NTM: variants seen among roughly 807,000 people sequenced by gnomAD.
NTM encodes the protein neurotrimin.
NTM carries 13 observed loss-of-function variants against 42.1 expected under a neutral mutation model. The observed-to-expected ratio is 0.31, with a 90% CI of 0.20 to 0.49. The LOEUF is 0.49. Ranked by LOEUF, NTM falls within the 20% of genes least tolerant of loss-of-function variation. The probability of loss-of-function intolerance (pLI) is 0.99; values close to 1 mark genes in which losing one functional copy is unlikely to be tolerated. For synonymous variants in NTM, 187 were observed against 179.2 expected, an observed-to-expected ratio of 1.04 and a Z score of -0.35; for missense variants, 373 against 452.8, an observed-to-expected ratio of 0.82 and a Z score of 1.60.
chr11:131,610,968 T>C (rs899175221), intron 1 of NTM, among the ~76,000 whole-genome samples: 3 of 152,040 alleles, frequency 2.0e-5, no homozygotes, highest in Non-Finnish European at 4.4e-5. Flanking sequence ...ATCGATTGGA[T>C]TGGAGGCATT....
intron 1 of NTM, among the ~76,000 whole-genome samples, chr11:131,860,904 C>T (rs1450611054): frequency 6.6e-6 from 1 of 152,228 alleles, no homozygotes; most frequent in Non-Finnish European, 1.5e-5. Context: ...CATGATAATG[C>T]CAAAGACACT....
At chr11:131,663,599 A>C (rs1344768110) in intron 1 of NTM, 1 of 152,230 alleles carries the variant, frequency 6.6e-6, no homozygotes, top group African/African-American at 2.4e-5. Flanking sequence ...GACTGTGTGC[A>C]CCGCTTCTAG....
At chr11:132,099,755 C>T (rs10894498) in intron 2 of NTM, among the ~76,000 whole-genome samples, 85,705 of 152,000 alleles carry the variant, frequency 0.56, 24,521 homozygotes, top group African/African-American at 0.6. Context: ...TGAGTACCTA[C>T]ATAATACAAA....
chr11:131,494,763 G>T (rs1350850905), intron 1 of NTM, among the ~76,000 whole-genome samples: 1 of 152,182 alleles, frequency 6.6e-6, no homozygotes, highest in East Asian at 1.9e-4. Context: ...AGTCTATGTA[G>T]CTCTGCCCTG....
intron 1 of NTM, among the ~76,000 whole-genome samples, chr11:131,630,563 TCACTTTGCA>T (rs1472466243): frequency 6.6e-6 from 1 of 152,180 alleles, no homozygotes; most frequent in East Asian, 2.0e-4. Flanking sequence ...CTGCATTCAT[TCACTTTGCA>T]TAGTCTGTAC....
In NTM at chr11:132,073,800, A is replaced by G. The variant is rs1409463542; in HGVS notation, c.168-72482A>G. 2.0e-5 allele frequency among the ~76,000 whole-genome samples: 3 copies of G among 152,078 alleles called. No homozygotes were observed. The South Asian group carries it at 6.2e-4, about 32-fold the overall frequency. On this transcript the variant is annotated intron_variant, in intron 2 of 8. Coordinates refer to ENST00000683400, the MANE Select transcript of NTM (RefSeq NM_001352005.2). ...GAAATAGCTTTTTTTAATGTCTGCA[A>G]TTTCTCAATTCAGTTCTTTGACTCT...
intron 2 of NTM, among the ~76,000 whole-genome samples, chr11:131,941,711 C>T (rs565996898): frequency 1.3e-5 from 2 of 152,324 alleles, no homozygotes; most frequent in Non-Finnish European, 2.9e-5. Context: ...CCTAACACAG[C>T]TCAGTAAAAA....
chr11:131,995,536 G>T (rs1017434870), intron 2 of NTM, among the ~76,000 whole-genome samples: 1 of 152,158 alleles, frequency 6.6e-6, no homozygotes, highest in African/African-American at 2.4e-5. Context: ...AAAGTTGTAG[G>T]GGAGCAGGGC....
In NTM at chr11:132,284,933, G is replaced by A. The variant is rs535452060; in HGVS notation, c.527-22756G>A. On this transcript the variant is annotated intron_variant, in intron 4 of 8. Coordinates refer to ENST00000683400, the MANE Select transcript of NTM (RefSeq NM_001352005.2). The stretch of plus-strand genomic sequence containing the variant: ...GGTGTGTTTGCCACAGCAACAGGAT[G>A]AGGAAAGCACAGCTCCAAGAGAGGT... 166 of 152,538 alleles carry A rather than the reference G, an allele frequency of 1.1e-3. 1 individual carries two copies. The highest frequency in any genetic ancestry group is 3.7e-3 in the African/African-American group (154 of 41,582). The allele number at this position is 152,538 out of a possible 1,614,324, so 9.4% of individuals were successfully genotyped here. A position where few individuals can be genotyped will look rare whatever the true frequency, so the allele number is the denominator to read the frequency against.
rs58237274 is a variant in NTM, at chr11:131,589,167, A to ATGTGTGTGTG, written c.82+218305_82+218314dup. 3.1e-3 allele frequency among the ~76,000 whole-genome samples: 452 copies of ATGTGTGTGTG among 143,598 alleles called. 5 individuals carry two copies. Among genetic ancestry groups the ATGTGTGTGTG allele is most frequent in the African/African-American group, 0.011 (409 of 38,280 alleles). The allele number at this position is 143,598 out of a possible 152,430, so 94.2% of individuals were successfully genotyped here. Reference sequence around the variant, plus strand: ...ACCATGCCACTCTTAACCTGGAAAAATGTGTGTGTGTGTGTGTGTGTGTGT... The same window carrying ATGTGTGTGTG: ...ACCATGCCACTCTTAACCTGGAAAAATGTGTGTGTGTGTGTGTGTGTGTGTGTGTGTGTGT... On this transcript the variant is annotated intron_variant, in intron 1 of 8. Coordinates refer to ENST00000683400, the MANE Select transcript of NTM (RefSeq NM_001352005.2).
At chr11:132,300,959 G>A (rs965774217) in intron 4 of NTM, among the ~76,000 whole-genome samples, 1 of 152,112 alleles carries the variant, frequency 6.6e-6, no homozygotes, top group Non-Finnish European at 1.5e-5. Context: ...CCTCAAGGGG[G>A]ACCTGGTGTG....
rs185302511 is a variant in NTM at position 131,911,350 on chromosome 11, C to T, written c.83-214C>T. On this transcript the variant is annotated intron_variant, in intron 1 of 8. Transcript: ENST00000683400. ...GGAGTCTGCGCGCTTTTCTCCTCCCCGCGCCTCCCGGTCGCCGCGGGTTCA... is the reference window on the plus strand; with the variant it reads ...GGAGTCTGCGCGCTTTTCTCCTCCCTGCGCCTCCCGGTCGCCGCGGGTTCA... The T allele has an allele frequency of 8.7e-4, 1,321 of 1,517,246 alleles. 10 individuals carry two copies. In the African/African-American group the frequency reaches 0.015, roughly 17 times the overall value. The allele number at this position is 1,517,246 out of a possible 1,614,324, so 94.0% of individuals were successfully genotyped here.
intron 1 of NTM, among the ~76,000 whole-genome samples, chr11:131,640,658 C>CT (rs1214002969): frequency 1.3e-5 from 2 of 152,168 alleles, no homozygotes; most frequent in Admixed American, 6.5e-5. Context: ...GCTGTGCCTG[C>CT]TAAGCCAGTC....
intron 1 of NTM, among the ~76,000 whole-genome samples, chr11:131,532,957 C>T (rs918327687): frequency 6.6e-6 from 1 of 151,858 alleles, no homozygotes; most frequent in Non-Finnish European, 1.5e-5. Flanking sequence ...TAAGTTGTGA[C>T]TACCAGGAGA....
chr11:131,862,209 G>A (rs187924566), intron 1 of NTM, among the ~76,000 whole-genome samples: 42 of 152,262 alleles, frequency 2.8e-4, no homozygotes, highest in Non-Finnish European at 5.4e-4. Context: ...GTGGAGGAGG[G>A]AACATGTATT....
chr11:132,181,230 C>G (rs1038175729), intron 3 of NTM, among the ~76,000 whole-genome samples: 1 of 152,184 alleles, frequency 6.6e-6, no homozygotes, highest in Non-Finnish European at 1.5e-5. Flanking sequence ...TCTTTATCCA[C>G]CTTAATCCTT....
chr11:131,760,487 G>A (rs941085632), intron 1 of NTM, among the ~76,000 whole-genome samples: 1 of 152,172 alleles, frequency 6.6e-6, no homozygotes, highest in African/African-American at 2.4e-5. Flanking sequence ...AAAAAGTGCT[G>A]GGTGGGTGGT....
chr11:131,451,018 C>T (rs776468655), intron 1 of NTM, among the ~76,000 whole-genome samples: 2 of 152,010 alleles, frequency 1.3e-5, no homozygotes, highest in Non-Finnish European at 2.9e-5. Context: ...TTCACACAGT[C>T]TATAGACATC....
intron 1 of NTM, among the ~76,000 whole-genome samples, chr11:131,685,564 CT>C (rs1408703940): frequency 6.6e-6 from 1 of 152,244 alleles, no homozygotes; most frequent in African/African-American, 2.4e-5. Context: ...TACTTTTCTG[CT>C]GGCAGTGCTC....
Sources: allele counts gnomAD v4.1 joint callset (sites outside exome capture counted in the v4.1 genomes callset), GRCh38; gene constraint gnomAD v4.1.1; transcripts MANE v1.5; gene names NCBI Gene and HGNC (gene_info 2026-07-23, HGNC 2026-07-21).